SDK2: variants seen among roughly 807,000 people sequenced by gnomAD.
The protein encoded by SDK2 is protein sidekick-2.
A neutral mutation model predicts 253.9 loss-of-function variants in SDK2; 105 were observed. That is an observed-to-expected ratio of 0.41 (90% CI 0.35 to 0.49). SDK2 has a LOEUF of 0.49. SDK2 is among the 20% of genes least tolerant of loss of function. The probability of loss-of-function intolerance (pLI) is 0.06; values close to 1 mark genes in which losing one functional copy is unlikely to be tolerated. For missense variants in SDK2, 2,608 were observed against 3,003.0 expected (o/e 0.87, Z 3.07); for synonymous variants, 1,249 against 1,234.9 (o/e 1.01, Z -0.24).
rs114241829 is a variant in SDK2, at chr17:73,407,755, G to A, written c.2485-5614C>T. ...CCCGGCCAGAACCAATTCATTATAC[G>A]AAAAATTTGGTAAGTAAGGAAAAAT... On this transcript the variant is annotated intron_variant, in intron 18 of 44. Coordinates refer to ENST00000392650, the MANE Select transcript of SDK2 (RefSeq NM_001144952.2). Among the ~76,000 whole-genome samples, 157 of 152,190 alleles carry A rather than the reference G, an allele frequency of 1.0e-3. 1 individual carries two copies. The highest frequency in any genetic ancestry group is 3.6e-3 in the African/African-American group (150 of 41,532).
intron 1 of SDK2, among the ~76,000 whole-genome samples, chr17:73,571,405 A>C (rs982130823): frequency 1.3e-5 from 2 of 152,118 alleles, no homozygotes; most frequent in African/African-American, 2.4e-5. Flanking sequence ...GTAGATAGTC[A>C]AGTTCCCTGC....
chr17:73,426,462 C>A (rs2063285105), intron 12 of SDK2, among the ~76,000 whole-genome samples: 2 of 151,868 alleles, frequency 1.3e-5, no homozygotes, highest in South Asian at 4.2e-4. Flanking sequence ...TTATTGGATG[C>A]ACATGTGTCA....
chr17:73,476,704 G>T (rs2145702766), intron 2 of SDK2, among the ~76,000 whole-genome samples: 1 of 152,294 alleles, frequency 6.6e-6, no homozygotes, highest in Non-Finnish European at 1.5e-5. Context: ...TGTAACTTCA[G>T]ACTCCTGGGC....
chr17:73,339,213 G>GTTTTTTTTGTTTTTTTTTTTTTTTTTTT (rs1568356151), intron 44 of SDK2, among the ~76,000 whole-genome samples: 2 of 127,610 alleles, frequency 1.6e-5, no homozygotes, highest in South Asian at 2.4e-4. Flanking sequence ...GAAGACCTGA[G>GTTTTTTTTGTTTTTTTTTTTTTTTTTTT]TTTTTTTTTG....
At chr17:73,444,309 G>T (rs374973400) in intron 5 of SDK2, among the ~76,000 whole-genome samples, 5 of 152,300 alleles carry the variant, frequency 3.3e-5, no homozygotes, top group South Asian at 2.1e-4. Flanking sequence ...GGGTCTCAGA[G>T]AAGTGAGTCC....
At chr17:73,382,317 G>T (rs1459284139) in intron 33 of SDK2, among the ~76,000 whole-genome samples, 1 of 152,084 alleles carries the variant, frequency 6.6e-6, no homozygotes, top group African/African-American at 2.4e-5. Flanking sequence ...CAGTCCTCTG[G>T]GGTACCCCTG....
In SDK2 at chr17:73,358,097, T is replaced by C. The variant is rs781340211; in HGVS notation, c.5575A>G (p.Ile1859Val). Reference protein sequence around the residue: ...PGKGPITRYVIEARPSDEGLW... With the variant: ...PGKGPITRYVVEARPSDEGLW... Reference sequence around the variant, plus strand: ...GGCGCACCTGAAGGTCTGGCCTCGATGACGTAGCGGGTGATGGGCCCTTTG... The same window carrying C: ...GGCGCACCTGAAGGTCTGGCCTCGACGACGTAGCGGGTGATGGGCCCTTTG... Residue 1859 changes from isoleucine to valine, a missense_variant, in exon 40 of 45, where the codon ATC (isoleucine) becomes GTC (valine). This residue lies in a region of SDK2 where 1,103 missense variants were observed against 1,143.9 expected (regional missense o/e 0.96). Transcript: ENST00000392650. The C allele has an allele frequency of 6.2e-6, 10 of 1,613,240 alleles. No individual in the cohort carries two copies. The highest frequency in any genetic ancestry group is 8.5e-6 in the Non-Finnish European group (10 of 1,179,778).
intron 2 of SDK2, among the ~76,000 whole-genome samples, chr17:73,499,939 T>C (rs1342912529): frequency 1.3e-5 from 2 of 151,832 alleles, no homozygotes; most frequent in African/African-American, 4.8e-5. Context: ...CATCTTTTCT[T>C]TTTTCTTCTA....
rs1207524516 is a variant in SDK2 at position 73,612,773 on chromosome 17, T to G, written c.64+31252A>C. ...CTCTACTAAAAATACAAAAATTAGC[T>G]GTACCTGGTGGTGCGCACCTGTAGT... On this transcript the variant is annotated intron_variant, in intron 1 of 44. Transcript: ENST00000392650. This position sits in a 1 kb window ranked among gnomAD's most constrained non-coding sequence, Gnocchi z 4.4. Among the ~76,000 whole-genome samples the G allele has an allele frequency of 6.6e-6, 1 of 152,044 alleles. No homozygotes were observed. The highest frequency in any genetic ancestry group is 6.5e-5 in the Admixed American group (1 of 15,270).
At chr17:73,385,824 G>C in intron 32 of SDK2, 23 bp downstream of exon 32, 1 of 1,590,164 alleles carries the variant, frequency 6.3e-7, no homozygotes, top group Non-Finnish European at 8.6e-7. Context: ...CTTCACGGAG[G>C]TTTCCTGCCC....
At chr17:73,449,542 G>A (rs980444980) in intron 4 of SDK2, among the ~76,000 whole-genome samples, 15 of 151,274 alleles carry the variant, frequency 9.9e-5, no homozygotes, top group Non-Finnish European at 2.2e-4. Context: ...GCTCTGGGAA[G>A]CAGGAAGCCA....
chr17:73,363,383 C>G (rs1210017130), intron 38 of SDK2, among the ~76,000 whole-genome samples: 1 of 152,186 alleles, frequency 6.6e-6, no homozygotes, highest in Non-Finnish European at 1.5e-5. Context: ...AAGTGGATTA[C>G]TAAATGATGG....
At chr17:73,517,402 G>A (rs2064037714) in intron 1 of SDK2, 1 of 152,160 alleles carries the variant, frequency 6.6e-6, no homozygotes, top group Non-Finnish European at 1.5e-5. Flanking sequence ...GTCTTGGTAG[G>A]AGGAGAAGAA....
chr17:73,643,957 T>TAC lies in SDK2; in HGVS notation c.64+67_64+68insGT. 4.9e-6 allele frequency: 5 copies of TAC among 1,019,996 alleles called. No homozygotes were observed. The highest frequency in any genetic ancestry group is 7.4e-6 in the Non-Finnish European group (5 of 674,880). 63.2% of individuals were successfully genotyped at this position (1,019,996 alleles called of 1,614,324 possible). On this transcript the variant is annotated intron_variant, in intron 1 of 44. Transcript: ENST00000392650. The surrounding 1 kb of genome is among the most constrained non-coding windows in gnomAD (Gnocchi z 6.9). ...GGAGGTCACCGTGAGGCCGGCCAGC[T>TAC]CCCGCCGCCCCTCCCCCGCCCACTC... is the stretch of plus-strand genomic sequence containing the variant.
intron 1 of SDK2, among the ~76,000 whole-genome samples, chr17:73,558,584 T>G (rs2045180756): frequency 6.6e-6 from 1 of 152,168 alleles, no homozygotes; most frequent in Non-Finnish European, 1.5e-5. Context: ...GCCTGTGAAG[T>G]TCACAGCTCA....
chr17:73,427,893 T>C (rs2063295863), intron 12 of SDK2, among the ~76,000 whole-genome samples: 1 of 152,238 alleles, frequency 6.6e-6, no homozygotes, highest in Non-Finnish European at 1.5e-5. Flanking sequence ...TGATAGACAC[T>C]TTCAAGAGAA....
At chr17:73,635,081 G>A (rs1043406447) in intron 1 of SDK2, among the ~76,000 whole-genome samples, 3 of 151,976 alleles carry the variant, frequency 2.0e-5, no homozygotes, top group Non-Finnish European at 4.4e-5. Context: ...CGCCTCCCAG[G>A]TTCAAGCAAT....
chr17:73,441,385 AC>A (rs2063414536), intron 5 of SDK2, among the ~76,000 whole-genome samples: 1 of 152,154 alleles, frequency 6.6e-6, no homozygotes, highest in African/African-American at 2.4e-5. Context: ...CCCATCTGGC[AC>A]CTGTAAATGT....
chr17:73,504,919 CAG>C (rs1434701576), intron 2 of SDK2, among the ~76,000 whole-genome samples: 1 of 152,048 alleles, frequency 6.6e-6, no homozygotes, highest in African/African-American at 2.4e-5. Context: ...GACCTTGCCT[CAG>C]GGGCACAGCA....
Sources: gnomAD v4.1 joint callset for allele counts (sites outside exome capture counted in the v4.1 genomes callset) on GRCh38, gnomAD v4.1.1 for gene constraint, gnomAD v4.1.1 regional missense constraint, Gnocchi (gnomAD v3.1) non-coding constraint, MANE v1.5 for transcripts, NCBI Gene and HGNC (gene_info 2026-07-23, HGNC 2026-07-21) for gene names.